The following CMSS1 variants were observed in gnomAD, a reference collection of about 807,000 sequenced individuals.
CMSS1 encodes protein CMSS1.
A neutral mutation model predicts 43.5 loss-of-function variants in CMSS1; 33 were observed. The observed-to-expected ratio is 0.76, with a 90% CI of 0.57 to 1.01. The LOEUF is 1.01. Among genes scored for constraint, CMSS1 ranks in the 50% least tolerant of loss-of-function variants. The probability of loss-of-function intolerance (pLI) is 0.00; values close to 1 mark genes in which losing one functional copy is unlikely to be tolerated. For missense variants in CMSS1, 313 were observed against 326.4 expected (o/e 0.96, Z 0.32); for synonymous variants, 115 against 117.2 (o/e 0.98, Z 0.12).
chr3:100,070,850 C>T (rs538045235), intron 1 of CMSS1, among the ~76,000 whole-genome samples: 311 of 152,272 alleles, frequency 2.0e-3, no homozygotes, highest in Non-Finnish European at 3.9e-3. Flanking sequence ...AGGATATTCA[C>T]GAACTCCTGA....
At chr3:99,950,871 A>G (rs924098819) in intron 1 of CMSS1, among the ~76,000 whole-genome samples, 5 of 152,142 alleles carry the variant, frequency 3.3e-5, no homozygotes, top group South Asian at 2.1e-4. Context: ...GAGAGAGAGA[A>G]AGAAAGAGAG....
chr3:100,066,870 G>A (rs184604488), intron 1 of CMSS1, among the ~76,000 whole-genome samples: 82 of 152,290 alleles, frequency 5.4e-4, no homozygotes, highest in Non-Finnish European at 9.8e-4. Context: ...CTGGGTCACA[G>A]TTTAAAGATT....
At chr3:99,834,071 G>A (rs547945938) in intron 1 of CMSS1, among the ~76,000 whole-genome samples, 15 of 152,256 alleles carry the variant, frequency 9.9e-5, no homozygotes, top group African/African-American at 3.6e-4. Flanking sequence ...GGGGAGTGGT[G>A]GAATGGAAAT....
chr3:99,929,809 T>C (rs1261182729), intron 1 of CMSS1: 2 of 1,419,340 alleles, frequency 1.4e-6, no homozygotes, highest in African/African-American at 2.9e-5. Flanking sequence ...TCTGCAGGGC[T>C]AGTGCTTGGC....
chr3:99,848,886 G>T (rs1943507891), intron 1 of CMSS1: 3 of 1,614,054 alleles, frequency 1.9e-6, no homozygotes, highest in African/African-American at 1.3e-5. Context: ...CAGTACTCGT[G>T]TAAGAGTGAG....
Position 100,024,549 on chromosome 3 carries a change from G to A in CMSS1, c.65-122424G>A, listed in dbSNP as rs1427276755. Among the ~76,000 whole-genome samples the A allele has an allele frequency of 2.0e-5, 3 of 151,994 alleles. No individual in the cohort carries two copies. The East Asian group carries it at 5.8e-4, about 29-fold the overall frequency. Reference sequence around the variant, plus strand: ...ATAGGAAGCAACTGTTTTCTTTCATGGTTATATTTCACCAGTTTACATCAT... The same window carrying A: ...ATAGGAAGCAACTGTTTTCTTTCATAGTTATATTTCACCAGTTTACATCAT... On this transcript the variant is annotated intron_variant, in intron 1 of 9. Coordinates refer to ENST00000421999, the MANE Select transcript of CMSS1 (RefSeq NM_032359.4).
intron 1 of CMSS1, among the ~76,000 whole-genome samples, chr3:100,123,994 T>C (rs2066642346): frequency 1.3e-5 from 2 of 152,206 alleles, no homozygotes; most frequent in South Asian, 4.1e-4. Flanking sequence ...TGGGGTCCTC[T>C]TTACCTCCTA....
intron 1 of CMSS1, among the ~76,000 whole-genome samples, chr3:99,965,329 G>A (rs76406835): frequency 0.012 from 1,766 of 152,300 alleles, 19 homozygotes; most frequent in African/African-American, 0.026. Flanking sequence ...AGGTTGGCCT[G>A]TGTTCTTACT....
chr3:100,052,908 G>T (rs2065398074), intron 1 of CMSS1, among the ~76,000 whole-genome samples: 1 of 151,954 alleles, frequency 6.6e-6, no homozygotes, highest in Non-Finnish European at 1.5e-5. Flanking sequence ...TTTTTCACAG[G>T]AATTTTTAAA....
intron 1 of CMSS1, among the ~76,000 whole-genome samples, chr3:99,908,233 T>C (rs1706683670): frequency 1.3e-5 from 2 of 152,204 alleles, no homozygotes; most frequent in African/African-American, 4.8e-5. Context: ...AATTTGACCT[T>C]TTAGCAAATA....
intron 1 of CMSS1, among the ~76,000 whole-genome samples, chr3:100,138,205 T>C (rs1398802764): frequency 6.6e-6 from 1 of 152,160 alleles, no homozygotes; most frequent in Non-Finnish European, 1.5e-5. Context: ...GATAGATTAA[T>C]GTCTTAAAAG....
intron 2 of CMSS1, among the ~76,000 whole-genome samples, chr3:100,148,658 A>C (rs1202308133): frequency 2.6e-5 from 4 of 152,200 alleles, no homozygotes; most frequent in African/African-American, 9.6e-5. Context: ...ACAGAGTTGT[A>C]ATGATGATTA....
intron 1 of CMSS1, among the ~76,000 whole-genome samples, chr3:100,001,289 T>C (rs1394668861): frequency 2.6e-5 from 4 of 152,252 alleles, no homozygotes; most frequent in Non-Finnish European, 4.4e-5. Context: ...AACATGGCTA[T>C]ACTCCTTCAT....
intron 1 of CMSS1, among the ~76,000 whole-genome samples, chr3:99,945,005 T>C (rs1386438135): frequency 6.6e-6 from 1 of 152,196 alleles, no homozygotes; most frequent in Non-Finnish European, 1.5e-5. Context: ...GGAGTTGTTA[T>C]AAAGCAGGAG....
At chr3:99,960,205 C>G (rs1415334646) in intron 1 of CMSS1, among the ~76,000 whole-genome samples, 2 of 152,122 alleles carry the variant, frequency 1.3e-5, no homozygotes, top group African/African-American at 4.8e-5. Flanking sequence ...ATCTTGGAAA[C>G]GGCAGTTTCT....
At chr3:99,987,528 C>CAAAAAAAA (rs1209242716) in intron 1 of CMSS1, among the ~76,000 whole-genome samples, 2 of 57,150 alleles carry the variant, frequency 3.5e-5, no homozygotes, top group Non-Finnish European at 3.8e-5. Flanking sequence ...GATTCTGTCT[C>CAAAAAAAA]AAAAAAAAAA....
intron 1 of CMSS1, among the ~76,000 whole-genome samples, chr3:99,942,294 A>G (rs1194110871): frequency 1.3e-5 from 2 of 152,206 alleles, no homozygotes; most frequent in Admixed American, 6.5e-5. Flanking sequence ...TTCCAGATGC[A>G]TAATGAGGTA....
chr3:100,059,899 G>A (rs141906119), intron 1 of CMSS1, among the ~76,000 whole-genome samples: 1 of 152,252 alleles, frequency 6.6e-6, no homozygotes, highest in African/African-American at 2.4e-5. Flanking sequence ...ATGTGGACTG[G>A]ATTCAACCTA....
At chr3:99,901,097 C>T (rs1316921670) in intron 1 of CMSS1, among the ~76,000 whole-genome samples, 3 of 152,200 alleles carry the variant, frequency 2.0e-5, no homozygotes, top group Non-Finnish European at 4.4e-5. Flanking sequence ...AAACTGTATA[C>T]AACATTCTTT....
Sources: gnomAD v4.1 joint callset for allele counts (sites outside exome capture counted in the v4.1 genomes callset) on GRCh38, gnomAD v4.1.1 for gene constraint, MANE v1.5 for transcripts, NCBI Gene and HGNC (gene_info 2026-07-23, HGNC 2026-07-21) for gene names.